LRRC7: variants seen among roughly 807,000 people sequenced by gnomAD.
LRRC7 encodes leucine rich repeat containing 7, also known as leucine-rich repeat-containing protein 7.
A neutral mutation model predicts 175.7 loss-of-function variants in LRRC7; 23 were observed. The observed-to-expected ratio is 0.13, with a 90% CI of 0.09 to 0.19. The LOEUF is 0.19. Ranked by LOEUF, LRRC7 falls within the 10% of genes least tolerant of loss-of-function variation. LRRC7 has a pLI of 1.00. For missense variants in LRRC7, 1,354 were observed against 1,904.7 expected (o/e 0.71, Z 5.38); for synonymous variants, 685 against 680.9 (o/e 1.01, Z -0.09).
At chr1:69,801,165 A>G (rs915895264) in intron 4 of LRRC7, among the ~76,000 whole-genome samples, 3 of 151,714 alleles carry the variant, frequency 2.0e-5, no homozygotes, top group African/African-American at 7.2e-5. Context: ...TCACAAGGAT[A>G]TTGATCTATA....
At chr1:69,732,305 G>T (rs190405253) in intron 2 of LRRC7, among the ~76,000 whole-genome samples, 6 of 151,646 alleles carry the variant, frequency 4.0e-5, no homozygotes, top group Admixed American at 1.3e-4. Flanking sequence ...TTTAAAGTTC[G>T]ATAGATTTAC....
At chr1:69,798,929 T>C (rs924115410) in intron 4 of LRRC7, among the ~76,000 whole-genome samples, 3 of 152,146 alleles carry the variant, frequency 2.0e-5, no homozygotes, top group Non-Finnish European at 2.9e-5. Flanking sequence ...AGTAGCTTCA[T>C]GCTTTATATT....
Position 70,123,594 on chromosome 1 carries a change from T to C in LRRC7, c.*1707T>C, listed in dbSNP as rs1263144222. 1 of 152,212 alleles carries C rather than the reference T, an allele frequency of 6.6e-6. No individual in the cohort carries two copies. The highest frequency in any genetic ancestry group is 2.4e-5 in the African/African-American group (1 of 41,468). The allele number at this position is 152,212 out of a possible 1,614,324, so 9.4% of individuals were successfully genotyped here. On this transcript the variant is annotated 3_prime_UTR_variant, in exon 27 of 27. Transcript: ENST00000651989. Reference sequence around the variant, plus strand: ...GATGTTGCTTTATGTCAGGGTGACATTATACCATGATTTTATAGGGTTTGA... The same window carrying C: ...GATGTTGCTTTATGTCAGGGTGACACTATACCATGATTTTATAGGGTTTGA...
chr1:69,760,119 A>G, intron 2 of LRRC7, 72 bp from the exon 3 acceptor site: 1 of 1,489,336 alleles, frequency 6.7e-7, no homozygotes. Context: ...CTAAGCTTTA[A>G]ATATTACAAG....
chr1:69,617,522 G>A (rs1478554937), intron 1 of LRRC7, among the ~76,000 whole-genome samples: 1 of 115,302 alleles, frequency 8.7e-6, no homozygotes, highest in African/African-American at 3.2e-5. Context: ...ATCTTTGTGA[G>A]CTGAAGGTTG....
At chr1:69,849,675 C>T (rs1344741753) in intron 7 of LRRC7, among the ~76,000 whole-genome samples, 1 of 151,872 alleles carries the variant, frequency 6.6e-6, no homozygotes, top group African/African-American at 2.4e-5. Flanking sequence ...CATACAATAA[C>T]ATCTAAACCC....
chr1:69,581,779 AT>A (rs535570456), intron 1 of LRRC7, among the ~76,000 whole-genome samples: 6 of 151,346 alleles, frequency 4.0e-5, no homozygotes, highest in Non-Finnish European at 5.9e-5. Flanking sequence ...CTTTGTTTTA[AT>A]TTTTTTTTGG....
At chr1:70,063,470 C>T (rs1025951469) in intron 23 of LRRC7, among the ~76,000 whole-genome samples, 1 of 152,056 alleles carries the variant, frequency 6.6e-6, no homozygotes, top group African/African-American at 2.4e-5. Flanking sequence ...AGATTGTTCT[C>T]ATTTGCTTAT....
chr1:69,846,281 A>G lies in LRRC7; in HGVS notation c.647+7998A>G, dbSNP rs1334207047. 5.3e-5 allele frequency among the ~76,000 whole-genome samples: 8 copies of G among 152,082 alleles called. No homozygotes were observed. In the East Asian group the frequency reaches 7.7e-4, roughly 15 times the overall value. Reference sequence around the variant, plus strand: ...ATTTATTTTTAAACTTATACTCTCAACACAAAATTAAGAATGATAATATTA... The same window carrying G: ...ATTTATTTTTAAACTTATACTCTCAGCACAAAATTAAGAATGATAATATTA... On this transcript the variant is annotated intron_variant, in intron 7 of 26. Coordinates refer to ENST00000651989, the MANE Select transcript of LRRC7 (RefSeq NM_001370785.2).
intron 4 of LRRC7, among the ~76,000 whole-genome samples, chr1:69,816,703 T>C (rs1678639866): frequency 6.6e-6 from 1 of 152,142 alleles, no homozygotes; most frequent in Non-Finnish European, 1.5e-5. Flanking sequence ...TACAACACAG[T>C]ATAATTACTA....
Position 69,578,914 on chromosome 1 carries a change from T to G in LRRC7, c.2+10273T>G, listed in dbSNP as rs1216865137. Among the ~76,000 whole-genome samples the G allele has an allele frequency of 2.0e-3, 308 of 151,396 alleles. 2 individuals carry two copies. The highest frequency in any genetic ancestry group is 7.2e-3 in the African/African-American group (296 of 41,274). ...ATATGTAACCTGCACATTGTGCACA[T>G]GTACCCTAAAACTTAAAGTATAATA... On this transcript the variant is annotated intron_variant, in intron 1 of 26. Coordinates refer to ENST00000651989, the MANE Select transcript of LRRC7 (RefSeq NM_001370785.2).
At chr1:69,693,469 A>G (rs1349884716) in intron 2 of LRRC7, among the ~76,000 whole-genome samples, 2 of 152,152 alleles carry the variant, frequency 1.3e-5, no homozygotes, top group African/African-American at 4.8e-5. Flanking sequence ...TAGGCTGGAG[A>G]CCTAGGGAGG....
At chr1:69,693,353 C>T (rs1361086533) in intron 2 of LRRC7, among the ~76,000 whole-genome samples, 2 of 152,062 alleles carry the variant, frequency 1.3e-5, no homozygotes, top group Non-Finnish European at 2.9e-5. Flanking sequence ...TCAGGAGAAA[C>T]AGAACCTATA....
chr1:69,654,670 CT>C (rs1443023986), intron 1 of LRRC7, among the ~76,000 whole-genome samples: 1 of 151,968 alleles, frequency 6.6e-6, no homozygotes, highest in Non-Finnish European at 1.5e-5. Flanking sequence ...ATTTTTGAAT[CT>C]TTTTTCTATA....
At chr1:69,586,723 G>A (rs990031929) in intron 1 of LRRC7, among the ~76,000 whole-genome samples, 4 of 152,166 alleles carry the variant, frequency 2.6e-5, no homozygotes, top group Non-Finnish European at 5.9e-5. Flanking sequence ...AACTGTTGAT[G>A]TAAAAAAGGC....
intron 2 of LRRC7, among the ~76,000 whole-genome samples, chr1:69,755,349 C>T (rs922767617): frequency 8.3e-5 from 12 of 144,316 alleles, no homozygotes; most frequent in African/African-American, 2.7e-4. Flanking sequence ...TATACACACA[C>T]ATATATATAT....
At chr1:69,798,422 A>C (rs1676057900) in intron 4 of LRRC7, among the ~76,000 whole-genome samples, 1 of 152,168 alleles carries the variant, frequency 6.6e-6, no homozygotes, top group African/African-American at 2.4e-5. Context: ...TGACTAAATT[A>C]AGTTAAGGGT....
chr1:69,692,812 C>A (rs1662054169), intron 2 of LRRC7, among the ~76,000 whole-genome samples: 1 of 152,076 alleles, frequency 6.6e-6, no homozygotes, highest in Non-Finnish European at 1.5e-5. Flanking sequence ...ACATTATTTC[C>A]AGGTGTGTCT....
chr1:69,862,989 G>T (rs1684526231), intron 7 of LRRC7, among the ~76,000 whole-genome samples: 1 of 152,102 alleles, frequency 6.6e-6, no homozygotes, highest in Non-Finnish European at 1.5e-5. Flanking sequence ...TTAAAGTCAA[G>T]AGTTTCAGTA....
Sources: gnomAD v4.1 joint callset for allele counts (sites outside exome capture counted in the v4.1 genomes callset) on GRCh38, gnomAD v4.1.1 for gene constraint, MANE v1.5 for transcripts, NCBI Gene and HGNC (gene_info 2026-07-23, HGNC 2026-07-21) for gene names.